The following MYO9B variants were observed in gnomAD, a reference collection of about 807,000 sequenced individuals.
MYO9B encodes unconventional myosin-IXb.
MYO9B carries 71 observed loss-of-function variants against 229.5 expected under a neutral mutation model. The ratio of observed to expected loss-of-function variants is 0.31; its 90% CI spans 0.26 to 0.38. MYO9B has a LOEUF of 0.38. Among genes scored for constraint, MYO9B ranks in the 10% least tolerant of loss-of-function variants. The pLI is 1.00. For synonymous variants in MYO9B, 1,185 were observed against 1,235.8 expected, an observed-to-expected ratio of 0.96 and a Z score of 0.86; for missense variants, 2,255 against 2,920.5, an observed-to-expected ratio of 0.77 and a Z score of 5.25.
chr19:17,103,053 CAAAA>C (rs55897174), intron 2 of MYO9B, among the ~76,000 whole-genome samples: 2 of 92,152 alleles, frequency 2.2e-5, no homozygotes, highest in Admixed American at 1.1e-4. Flanking sequence ...CCCCTCTCTA[CAAAA>C]AAAAAAAAAA....
chr19:17,134,852 C>T (rs2072249623), intron 2 of MYO9B, among the ~76,000 whole-genome samples: 1 of 152,154 alleles, frequency 6.6e-6, no homozygotes, highest in South Asian at 2.1e-4. Flanking sequence ...CAACCTCCAC[C>T]TCCTGGGTTC....
chr19:17,196,054 C>G (rs2073038717), intron 22 of MYO9B, among the ~76,000 whole-genome samples: 1 of 150,974 alleles, frequency 6.6e-6, no homozygotes, highest in Non-Finnish European at 1.5e-5. Flanking sequence ...GAGCAGCATC[C>G]CTGGCCTCCA....
At chr19:17,092,086 A>G (rs535350651) in intron 1 of MYO9B, among the ~76,000 whole-genome samples, 1 of 152,330 alleles carries the variant, frequency 6.6e-6, no homozygotes, top group African/African-American at 2.4e-5. Flanking sequence ...TCCATGAGCT[A>G]GCATCAGCCG....
At chr19:17,093,299 C>A (rs1008057842) in intron 1 of MYO9B, among the ~76,000 whole-genome samples, 5 of 151,876 alleles carry the variant, frequency 3.3e-5, no homozygotes, top group Non-Finnish European at 7.4e-5. Context: ...CCACTGCACT[C>A]CAGCCTGGGC....
chr19:17,198,493 G>A (rs2073071689), intron 24 of MYO9B, among the ~76,000 whole-genome samples, 185 bp downstream of exon 24: 1 of 152,162 alleles, frequency 6.6e-6, no homozygotes. Context: ...CCAGCACTTT[G>A]GGATGCCGAG....
intron 19 of MYO9B, among the ~76,000 whole-genome samples, chr19:17,189,385 T>C (rs1459728004): frequency 6.6e-6 from 1 of 151,604 alleles, no homozygotes; most frequent in East Asian, 2.0e-4. Context: ...TGCCTGTAAT[T>C]AGCACTTTGG....
chr19:17,093,604 C>G (rs1411150576), intron 1 of MYO9B, among the ~76,000 whole-genome samples: 1 of 149,850 alleles, frequency 6.7e-6, no homozygotes, highest in African/African-American at 2.5e-5. Flanking sequence ...CTTTTGAATA[C>G]AGAGTAAGAA....
chr19:17,211,616 G>A, intron 38 of MYO9B, 31 bp from the exon 39 acceptor site: 1 of 1,562,038 alleles, frequency 6.4e-7, no homozygotes, highest in Non-Finnish European at 8.7e-7. Flanking sequence ...CGGTGGGGTG[G>A]CCTTGGACAC....
At chr19:17,085,077 C>T (rs1321650293) in intron 1 of MYO9B, among the ~76,000 whole-genome samples, 1 of 152,128 alleles carries the variant, frequency 6.6e-6, no homozygotes, top group Admixed American at 6.6e-5. Context: ...TTCTTTCTCC[C>T]CTGCCTTTGT....
chr19:17,159,466 T>G lies in MYO9B; in HGVS notation c.1401T>G (p.Leu467=), dbSNP rs1428028447. The G allele has an allele frequency of 6.2e-7, 1 of 1,609,726 alleles. No homozygotes were observed. Among genetic ancestry groups the G allele is most frequent in the South Asian group, 1.1e-5 (1 of 89,922 alleles). Residue 467 remains leucine (L), a synonymous_variant, in exon 8 of 40, where the codon CTT becomes CTG. Transcript: ENST00000682292. ...KTVTVNDKLI[L]PYSLSEAITA... ...TGACCGTCAACGACAAGCTTATCCT[T>G]CCCTACAGCCTCAGCGAGGTGAGCT...
intron 1 of MYO9B, among the ~76,000 whole-genome samples, chr19:17,093,404 G>A (rs1374931944): frequency 1.3e-5 from 2 of 152,084 alleles, no homozygotes; most frequent in Admixed American, 1.3e-4. Context: ...TTAGAAGTGC[G>A]TAAACCTCTG....
intron 5 of MYO9B, 84 bp downstream of exon 5, chr19:17,154,150 A>G: frequency 1.4e-6 from 2 of 1,419,342 alleles, no homozygotes; most frequent in South Asian, 1.1e-5. Flanking sequence ...AGTCAGAGGC[A>G]GCCTGCCCTG....
At chr19:17,174,362 G>A (rs1043733304) in intron 13 of MYO9B, among the ~76,000 whole-genome samples, 2 of 152,118 alleles carry the variant, frequency 1.3e-5, no homozygotes, top group Non-Finnish European at 2.9e-5. Flanking sequence ...GGTCTGCCAG[G>A]TGCAGTGGCT....
At chr19:17,078,965 G>A (rs1243721864) in intron 1 of MYO9B, among the ~76,000 whole-genome samples, 2 of 152,202 alleles carry the variant, frequency 1.3e-5, no homozygotes, top group Non-Finnish European at 1.5e-5. Context: ...CTCCAGGGCC[G>A]TTTCTCACCC....
chr19:17,106,478 C>T (rs1038591799), intron 2 of MYO9B, among the ~76,000 whole-genome samples: 14 of 152,176 alleles, frequency 9.2e-5, no homozygotes, highest in Non-Finnish European at 1.9e-4. Flanking sequence ...TCTGGTCTCC[C>T]GAGGCCGCCC....
chr19:17,082,233 A>G (rs1181831224), intron 1 of MYO9B, among the ~76,000 whole-genome samples: 3 of 152,172 alleles, frequency 2.0e-5, no homozygotes, highest in Non-Finnish European at 4.4e-5. Context: ...CATGGAAGTC[A>G]AATTAACAGC....
intron 2 of MYO9B, among the ~76,000 whole-genome samples, chr19:17,128,973 C>G (rs1391645863): frequency 6.6e-6 from 1 of 152,204 alleles, no homozygotes; most frequent in Non-Finnish European, 1.5e-5. Context: ...CTTGGCCATA[C>G]CGGTCACTCC....
Position 17,141,309 on chromosome 19 carries a change from C to T in MYO9B, c.841-4088C>T, listed in dbSNP as rs557056073. ...GGCAATGGCCTTGCCACTTCCTTCA[C>T]ACTGTGGCCTCGCTCTCTCCTATCC... is the stretch of plus-strand genomic sequence containing the variant. On this transcript the variant is annotated intron_variant, in intron 2 of 39. Coordinates refer to ENST00000682292, the MANE Select transcript of MYO9B (RefSeq NM_004145.4). Among the ~76,000 whole-genome samples, 147 of 152,282 alleles carry T rather than the reference C, an allele frequency of 9.7e-4. 1 individual carries two copies. The highest frequency in any genetic ancestry group is 3.4e-3 in the African/African-American group (142 of 41,564).
intron 2 of MYO9B, among the ~76,000 whole-genome samples, 175 bp from the exon 3 acceptor site, chr19:17,145,222 G>A (rs59360945): frequency 0.22 from 32,680 of 151,972 alleles, 3,689 homozygotes; most frequent in African/African-American, 0.24. Flanking sequence ...GTTGCAGTGA[G>A]CCAAGATTGT....
Sources: allele counts gnomAD v4.1 joint callset (sites outside exome capture counted in the v4.1 genomes callset), GRCh38; gene constraint gnomAD v4.1.1; transcripts MANE v1.5; gene names NCBI Gene and HGNC (gene_info 2026-07-23, HGNC 2026-07-21).